The following ARHGEF10 variants were observed in gnomAD, a reference collection of about 807,000 sequenced individuals.
The protein encoded by ARHGEF10 is Rho guanine nucleotide exchange factor 10, also known as Rho guanine nucleotide exchange factor (GEF) 10.
Under a neutral mutation model 147.4 loss-of-function variants are expected in ARHGEF10, and 140 were observed. That is an observed-to-expected ratio of 0.95 (90% CI 0.83 to 1.09). The LOEUF (loss-of-function observed/expected upper bound fraction) is 1.09, where lower values mean the gene tolerates loss of function less well. ARHGEF10 is among the 50% of genes least tolerant of loss of function. The pLI, the probability that ARHGEF10 is intolerant of heterozygous loss-of-function variation, is 0.00. For missense variants in ARHGEF10, 2,222 were observed against 1,752.7 expected (o/e 1.27, Z -4.78); for synonymous variants, 902 against 695.8 (o/e 1.30, Z -4.67).
Position 1,909,746 on chromosome 8 carries a change from A to G in ARHGEF10, c.2143+276A>G, listed in dbSNP as rs145750558. Reference sequence around the variant, plus strand: ...GAAGTGGATTCCGTCTTCCCGGTCCAGTGAGCTCAGTTTTGCGTTTCCAGT... The same window carrying G: ...GAAGTGGATTCCGTCTTCCCGGTCCGGTGAGCTCAGTTTTGCGTTTCCAGT... On this transcript the variant is annotated intron_variant, in intron 18 of 28. Transcript: ENST00000349830. Among the ~76,000 whole-genome samples the G allele has an allele frequency of 3.7e-4, 57 of 152,298 alleles. No homozygotes were observed. In the East Asian group the frequency reaches 7.5e-3, roughly 20 times the overall value.
In ARHGEF10 at chr8:1,933,782, G is replaced by A. The variant is rs372321649; in HGVS notation, c.3080-18G>A. ...ACAGAAAACTGAACTTGAATGAAAT[G>A]AAATATTTTCTTTTAAGATGGATCC... On this transcript the variant is annotated intron_variant, in intron 25 of 28. Transcript: ENST00000349830. 2.5e-6 allele frequency: 4 copies of A among 1,614,032 alleles called. No individual in the cohort carries two copies. The African/African-American group carries it at 5.3e-5, about 22-fold the overall frequency.
chr8:1,867,807 A>T (rs1806751329), intron 6 of ARHGEF10, among the ~76,000 whole-genome samples: 1 of 152,248 alleles, frequency 6.6e-6, no homozygotes, highest in Non-Finnish European at 1.5e-5. Flanking sequence ...ATCAACTTAC[A>T]AGGTAGAACC....
At chr8:1,917,096 G>A (rs765827126) in intron 18 of ARHGEF10, among the ~76,000 whole-genome samples, 3 of 152,216 alleles carry the variant, frequency 2.0e-5, no homozygotes, top group African/African-American at 4.8e-5. Context: ...AGACCACTAC[G>A]AACAGTGACG....
Position 1,913,217 on chromosome 8 carries a change from C to T in ARHGEF10, c.2143+3747C>T, listed in dbSNP as rs551562804. Reference sequence around the variant, plus strand: ...GAGAGGTGAGATCAGTTGCTCTAGCCGGGCTCTGGCCTTCAAGGGTGTTTC... The same window carrying T: ...GAGAGGTGAGATCAGTTGCTCTAGCTGGGCTCTGGCCTTCAAGGGTGTTTC... On this transcript the variant is annotated intron_variant, in intron 18 of 28. Transcript: ENST00000349830. Among the ~76,000 whole-genome samples, 19 of 152,148 alleles carry T rather than the reference C, an allele frequency of 1.2e-4. No homozygotes were observed. The East Asian group carries it at 1.6e-3, about 12-fold the overall frequency.
intron 7 of ARHGEF10, chr8:1,869,845 G>A (rs1806944743): frequency 1.2e-5 from 2 of 170,528 alleles, no homozygotes; most frequent in Non-Finnish European, 2.6e-5. Context: ...TTCTCAAAGC[G>A]AAGAAGGACG....
chr8:1,911,353 T>C (rs1343798861), intron 18 of ARHGEF10, among the ~76,000 whole-genome samples: 1 of 152,240 alleles, frequency 6.6e-6, no homozygotes, highest in Non-Finnish European at 1.5e-5. Flanking sequence ...CATTTTTCCA[T>C]GGGACATCTT....
intron 7 of ARHGEF10, among the ~76,000 whole-genome samples, chr8:1,872,462 C>G (rs770093038): frequency 6.6e-5 from 10 of 152,214 alleles, no homozygotes; most frequent in Admixed American, 5.9e-4. Context: ...AAGGTTGATG[C>G]TACATTTCCT....
At position 1,940,031 on chromosome 8, in the gene ARHGEF10, A is replaced by G. The variant is rs192641681; in HGVS notation, c.3223-5450A>G. Among the ~76,000 whole-genome samples the G allele has an allele frequency of 6.2e-4, 94 of 152,304 alleles. No individual in the cohort carries two copies. The East Asian group carries it at 0.017, about 28-fold the overall frequency. On this transcript the variant is annotated intron_variant, in intron 26 of 28. Coordinates refer to ENST00000349830, the MANE Select transcript of ARHGEF10 (RefSeq NM_014629.4). ...TGCCAGCAACGTAACGGGGTGCGAG[A>G]CGCTTGGATACTAGAACAAAGGAGG...
intron 6 of ARHGEF10, among the ~76,000 whole-genome samples, chr8:1,867,632 C>G (rs1184772574): frequency 6.6e-6 from 1 of 152,210 alleles, no homozygotes; most frequent in Non-Finnish European, 1.5e-5. Flanking sequence ...CAGCCCCCCT[C>G]CAGGTGGCCA....
chr8:1,936,750 G>A (rs2129245462), intron 26 of ARHGEF10, among the ~76,000 whole-genome samples: 1 of 152,344 alleles, frequency 6.6e-6, no homozygotes, highest in South Asian at 2.1e-4. Flanking sequence ...GACATTTCAT[G>A]AATCATATTT....
intron 2 of ARHGEF10, among the ~76,000 whole-genome samples, chr8:1,849,235 C>T (rs563049024): frequency 6.6e-5 from 10 of 152,232 alleles, no homozygotes; most frequent in South Asian, 2.1e-4. Context: ...GGGTGTGGGG[C>T]GGCTGCGGGG....
chr8:1,826,104 TAG>T, intron 1 of ARHGEF10: 1 of 1,594,466 alleles, frequency 6.3e-7, no homozygotes, highest in Non-Finnish European at 8.5e-7. Context: ...TAACTCTTTA[TAG>T]ACAGATGAGA....
chr8:1,903,040 C>T (rs772943005), intron 15 of ARHGEF10, among the ~76,000 whole-genome samples: 2 of 152,172 alleles, frequency 1.3e-5, no homozygotes, highest in Admixed American at 6.6e-5. Flanking sequence ...TCATATTTAG[C>T]GTGTCCTTTA....
intron 18 of ARHGEF10, among the ~76,000 whole-genome samples, chr8:1,915,774 C>T (rs1811715734): frequency 6.6e-6 from 1 of 152,234 alleles, no homozygotes; most frequent in African/African-American, 2.4e-5. Context: ...GAAGTGGTTC[C>T]ATGCAAAGAG....
At chr8:1,859,735 G>T (rs1035803655) in intron 3 of ARHGEF10, among the ~76,000 whole-genome samples, 162 bp from the exon 4 acceptor site, 1 of 152,202 alleles carries the variant, frequency 6.6e-6, no homozygotes, top group South Asian at 2.1e-4. Flanking sequence ...CCCCATGTGT[G>T]AGTGCTCCCT....
At position 1,909,376 on chromosome 8, in the gene ARHGEF10, C is replaced by T. The variant is rs763414158; in HGVS notation, c.2049C>T (p.Ile683=). Reference sequence around the variant, plus strand: ...TTCCACTGGGACATGTGGACGCCATCGAGTATGGCAGCAGCGCAGGCACGG... The same window carrying T: ...TTCCACTGGGACATGTGGACGCCATTGAGTATGGCAGCAGCGCAGGCACGG... ...WSVPLGHVDA[I]EYGSSAGTGE... is the part of the protein sequence containing the mutation. The change falls in exon 18 of 29, where the codon ATC becomes ATT. Residue 683 remains isoleucine, a synonymous_variant. Transcript: ENST00000349830. 2.5e-5 allele frequency: 41 copies of T among 1,614,066 alleles called. No individual in the cohort carries two copies. The East Asian group carries it at 6.0e-4, about 24-fold the overall frequency.
At chr8:1,886,562 G>A (rs1234493136) in intron 11 of ARHGEF10, among the ~76,000 whole-genome samples, 1 of 152,220 alleles carries the variant, frequency 6.6e-6, no homozygotes, top group Non-Finnish European at 1.5e-5. Context: ...CAGTGGAATT[G>A]AACAGCGATG....
chr8:1,874,892 C>CCA (rs1563212961), intron 7 of ARHGEF10, among the ~76,000 whole-genome samples: 4 of 21,934 alleles, frequency 1.8e-4, no homozygotes, highest in African/African-American at 8.0e-4. Flanking sequence ...GCAGACACAC[C>CCA]CGGGGCCGTG....
chr8:1,943,732 C>T (rs1283081285), intron 26 of ARHGEF10: 1 of 152,166 alleles, frequency 6.6e-6, no homozygotes, highest in Non-Finnish European at 1.5e-5. Context: ...AGTTCCTTCT[C>T]ATTGACAAAT....
Sources: allele counts gnomAD v4.1 joint callset (sites outside exome capture counted in the v4.1 genomes callset), GRCh38; gene constraint gnomAD v4.1.1; transcripts MANE v1.5; gene names NCBI Gene and HGNC (gene_info 2026-07-23, HGNC 2026-07-21).